The following CMPK2 variants were observed in gnomAD, a reference collection of about 807,000 sequenced individuals.
CMPK2 encodes cytidine/uridine monophosphate kinase 2.
In CMPK2, 32 loss-of-function variants were observed where a neutral mutation model predicts 33.4. The observed-to-expected ratio is 0.96, with a 90% confidence interval of 0.72 to 1.29. CMPK2 has a LOEUF of 1.29. Among genes scored for constraint, CMPK2 ranks in the 50% most tolerant of loss-of-function variants. The pLI, the probability that CMPK2 is intolerant of heterozygous loss-of-function variation, is 0.00. For missense variants in CMPK2, 672 were observed against 616.0 expected (o/e 1.09, Z -0.96); for synonymous variants, 299 against 275.3 (o/e 1.09, Z -0.85).
intron 2 of CMPK2, 71 bp downstream of exon 2, chr2:6,863,393 G>T: frequency 7.3e-7 from 1 of 1,365,444 alleles, no homozygotes; most frequent in Non-Finnish European, 1.0e-6. Flanking sequence ...TGGTTTTGCA[G>T]GAAGTATTTC....
intron 4 of CMPK2, chr2:6,851,090 C>A (rs1394003504): frequency 9.1e-7 from 1 of 1,098,562 alleles, no homozygotes; most frequent in Non-Finnish European, 1.1e-6. Context: ...CGGGAAGCAT[C>A]TAATAGGTAG....
At chr2:6,855,310 CGCCTCT>C (rs138463540) in intron 3 of CMPK2, among the ~76,000 whole-genome samples, 67,124 of 146,654 alleles carry the variant, frequency 0.46, 18,095 homozygotes, top group Non-Finnish European at 0.61. Context: ...CCTGCTCTCT[CGCCTCT>C]GCCTCTGCCC....
intron 3 of CMPK2, among the ~76,000 whole-genome samples, chr2:6,854,889 A>G (rs1662637760): frequency 2.6e-5 from 4 of 152,014 alleles, no homozygotes; most frequent in Admixed American, 2.6e-4. Context: ...AAACTGGGGG[A>G]CAGAGTGCAG....
At chr2:6,846,953 T>A (rs1398003972), downstream of CMPK2, among the ~76,000 whole-genome samples, 1 of 152,130 alleles carries the variant, frequency 6.6e-6, no homozygotes, top group Admixed American at 6.5e-5. Flanking sequence ...ATATCCAGAG[T>A]TCTTTGTCCT....
chr2:6,840,677 A>G (rs1032651254), exon 4 of CMPK2: 1 of 701,968 alleles, frequency 1.4e-6, no homozygotes, highest in African/African-American at 1.7e-5. Context: ...CCCAGCTGGG[A>G]CCTAGAGAGG....
chr2:6,861,169 C>G lies in CMPK2; in HGVS notation c.992+15G>C, dbSNP rs895819605. 5.6e-6 allele frequency: 9 copies of G among 1,603,322 alleles called. No individual in the cohort carries two copies. Among genetic ancestry groups the G allele is most frequent in the Non-Finnish European group, 6.8e-6 (8 of 1,170,874 alleles). On this transcript the variant is annotated intron_variant, in intron 3 of 4. Transcript: ENST00000256722. ...TAGGGAGAAAATGCCTAATTCAAGG[C>G]ATCTTTATACCTACCTGTCTACAAT...
At chr2:6,854,516 G>A (rs116426090) in intron 3 of CMPK2, among the ~76,000 whole-genome samples, 2,149 of 152,166 alleles carry the variant, frequency 0.014, 36 homozygotes, top group Middle Eastern at 0.048. Flanking sequence ...GAACTAAATT[G>A]CAGGCAATTC....
chr2:6,859,676 G>A (rs1407804609), intron 3 of CMPK2, among the ~76,000 whole-genome samples: 3 of 152,226 alleles, frequency 2.0e-5, no homozygotes. Flanking sequence ...GATTTCAGAG[G>A]ATGTATGGAA....
Position 6,849,228 on chromosome 2 carries a change from G to T in CMPK2, c.*622C>A. The T allele has an allele frequency of 1.0e-6, 1 of 985,400 alleles. No individual in the cohort carries two copies. Among genetic ancestry groups the T allele is most frequent in the Non-Finnish European group, 1.2e-6 (1 of 829,906 alleles). 61.0% of individuals were successfully genotyped at this position (985,400 alleles called of 1,614,324 possible). ...TATGACTCAGAAGCCTATCAAAAGG[G>T]CTCTGAGCCTCAGACACAAGATCAA... is the stretch of plus-strand genomic sequence containing the variant. On this transcript the variant is annotated 3_prime_UTR_variant, in exon 5 of 5. Transcript: ENST00000256722.
chr2:6,863,662 C>A, intron 1 of CMPK2, 84 bp from the exon 2 acceptor site: 1 of 954,086 alleles, frequency 1.0e-6, no homozygotes. Flanking sequence ...ACAATATTGC[C>A]GCATGCTAAT....
chr2:6,853,028 C>T (rs922548627), intron 3 of CMPK2, among the ~76,000 whole-genome samples: 7 of 152,330 alleles, frequency 4.6e-5, no homozygotes, highest in African/African-American at 1.2e-4. Context: ...CAGCTCACTG[C>T]AACCTTTGCT....
downstream of CMPK2, among the ~76,000 whole-genome samples, chr2:6,843,994 T>A (rs1314211673): frequency 1.3e-5 from 2 of 152,194 alleles, no homozygotes; most frequent in Non-Finnish European, 2.9e-5. Context: ...CTGGACCATC[T>A]GGGAGACTGG....
intron 3 of CMPK2, among the ~76,000 whole-genome samples, chr2:6,854,132 C>T (rs547575295): frequency 7.2e-4 from 109 of 152,236 alleles, no homozygotes; most frequent in African/African-American, 2.5e-3. Context: ...TCAAAAAAAG[C>T]CAATTAGGGT....
chr2:6,841,975 T>G (rs1390565359), intron 3 of CMPK2, among the ~76,000 whole-genome samples: 1 of 152,188 alleles, frequency 6.6e-6, no homozygotes, highest in Non-Finnish European at 1.5e-5. Flanking sequence ...GTTAACTGCC[T>G]TAGCTTTGCT....
chr2:6,853,588 G>A (rs962571621), intron 3 of CMPK2, among the ~76,000 whole-genome samples: 1 of 152,032 alleles, frequency 6.6e-6, no homozygotes, highest in African/African-American at 2.4e-5. Flanking sequence ...AACTAAAGCC[G>A]GATCATTGCA....
downstream of CMPK2, among the ~76,000 whole-genome samples, chr2:6,845,156 C>T (rs1662327713): frequency 6.6e-6 from 1 of 152,096 alleles, no homozygotes; most frequent in South Asian, 2.1e-4. Flanking sequence ...ATTTACCCTC[C>T]TGCCTACAGA....
chr2:6,849,256 C>A lies in CMPK2; in HGVS notation c.*594G>T. On this transcript the variant is annotated 3_prime_UTR_variant, in exon 5 of 5. Coordinates refer to ENST00000256722, the MANE Select transcript of CMPK2 (RefSeq NM_207315.4). Reference sequence around the variant, plus strand: ...CTGAGCCTCAGACACAAGATCAATGCCTTCTTTGTAAGTGTTCCTTACCCA... The same window carrying A: ...CTGAGCCTCAGACACAAGATCAATGACTTCTTTGTAAGTGTTCCTTACCCA... 1.0e-6 allele frequency: 1 copy of A among 985,416 alleles called. No homozygotes were observed. Among genetic ancestry groups the A allele is most frequent in the Non-Finnish European group, 1.2e-6 (1 of 829,940 alleles). The allele number at this position is 985,416 out of a possible 1,614,324, so 61.0% of individuals were successfully genotyped here. A position where few individuals can be genotyped will look rare whatever the true frequency, so the allele number is the denominator to read the frequency against.
At chr2:6,866,135 G>A (rs1476947196), upstream of CMPK2, 3 of 217,020 alleles carry the variant, frequency 1.4e-5, no homozygotes, top group African/African-American at 2.4e-5. Context: ...CATGGAGGGG[G>A]GCGGGGGTGC....
intron 3 of CMPK2, among the ~76,000 whole-genome samples, chr2:6,852,956 T>C (rs1662569206): frequency 6.6e-6 from 1 of 152,150 alleles, no homozygotes; most frequent in African/African-American, 2.4e-5. Context: ...TTCAATCCTT[T>C]ATTTTTGTTT....
Sources: allele counts gnomAD v4.1 joint callset (sites outside exome capture counted in the v4.1 genomes callset), GRCh38; gene constraint gnomAD v4.1.1; transcripts MANE v1.5; gene names NCBI Gene and HGNC (gene_info 2026-07-23, HGNC 2026-07-21).